The following UNC79 variants were observed in gnomAD, a reference collection of about 807,000 sequenced individuals.
UNC79 encodes the protein unc-79 subunit of NALCN channel complex.
In UNC79, 37 loss-of-function variants were observed where a neutral mutation model predicts 283.1. The observed-to-expected ratio is 0.13, with a 90% confidence interval of 0.10 to 0.17. UNC79 has a LOEUF of 0.17. Ranked by LOEUF, UNC79 falls within the 10% of genes least tolerant of loss-of-function variation. The pLI is 1.00. For missense variants in UNC79, 2,272 were observed against 3,211.1 expected (o/e 0.71, Z 7.07); for synonymous variants, 1,107 against 1,200.2 (o/e 0.92, Z 1.61).
At chr14:93,431,230 G>C (rs1339452398) in intron 1 of UNC79, among the ~76,000 whole-genome samples, 179 bp downstream of exon 1, 1 of 151,462 alleles carries the variant, frequency 6.6e-6, no homozygotes, top group African/African-American at 2.4e-5. Context: ...TAATGGCAGC[G>C]CGGCGCTGTC....
intron 7 of UNC79, among the ~76,000 whole-genome samples, chr14:93,517,829 A>C (rs1595723021): frequency 6.6e-6 from 1 of 151,884 alleles, no homozygotes; most frequent in African/African-American, 2.4e-5. Flanking sequence ...TTTGACCAAC[A>C]TTCCCCAAAT....
intron 12 of UNC79, among the ~76,000 whole-genome samples, chr14:93,538,470 T>G (rs1260444989): frequency 1.3e-5 from 2 of 152,190 alleles, no homozygotes; most frequent in Admixed American, 1.3e-4. Context: ...TCTCTGCCCT[T>G]AAGTTACCCA....
chr14:93,609,868 C>T (rs1328803157), intron 26 of UNC79, among the ~76,000 whole-genome samples: 1 of 152,124 alleles, frequency 6.6e-6, no homozygotes, highest in African/African-American at 2.4e-5. Flanking sequence ...TGCAGATTTG[C>T]AAAGCCCACT....
chr14:93,524,910 A>G (rs983622008), intron 8 of UNC79, among the ~76,000 whole-genome samples: 6 of 152,170 alleles, frequency 3.9e-5, no homozygotes, highest in Non-Finnish European at 7.3e-5. Context: ...GATAGCCTGT[A>G]GAAAACCAAA....
At chr14:93,701,263 G>GT (rs2075511169) in intron 47 of UNC79, among the ~76,000 whole-genome samples, 1 of 152,148 alleles carries the variant, frequency 6.6e-6, no homozygotes, top group Non-Finnish European at 1.5e-5. Flanking sequence ...GAAAAACATT[G>GT]TTTTTTATAG....
At chr14:93,502,099 C>T (rs775445985) in intron 7 of UNC79, among the ~76,000 whole-genome samples, 2 of 152,092 alleles carry the variant, frequency 1.3e-5, no homozygotes, top group African/African-American at 4.8e-5. Flanking sequence ...AACAACTGCT[C>T]CAATTATTTT....
chr14:93,493,894 T>TATAC (rs1208750023), intron 5 of UNC79, among the ~76,000 whole-genome samples: 1 of 63,856 alleles, frequency 1.6e-5, no homozygotes, highest in East Asian at 4.2e-4. Flanking sequence ...TATATATATA[T>TATAC]ATATATATTT....
intron 1 of UNC79, among the ~76,000 whole-genome samples, chr14:93,423,118 T>C (rs1214559101): frequency 6.8e-6 from 1 of 146,828 alleles, no homozygotes; most frequent in Non-Finnish European, 1.5e-5. Flanking sequence ...AGTAATGCCA[T>C]TTACAATAGT....
intron 7 of UNC79, among the ~76,000 whole-genome samples, chr14:93,504,436 ACTT>A (rs1396978851): frequency 6.6e-6 from 1 of 151,968 alleles, no homozygotes; most frequent in Non-Finnish European, 1.5e-5. Context: ...TGGGAAACTG[ACTT>A]CTTTATAATA....
intron 14 of UNC79, among the ~76,000 whole-genome samples, chr14:93,551,695 C>T (rs1376027596): frequency 3.3e-5 from 5 of 152,222 alleles, no homozygotes; most frequent in Non-Finnish European, 5.9e-5. Flanking sequence ...TTAATGGATA[C>T]GCATTGGTGA....
At chr14:93,518,896 T>C (rs938430817) in intron 7 of UNC79, among the ~76,000 whole-genome samples, 1 of 151,964 alleles carries the variant, frequency 6.6e-6, no homozygotes, top group African/African-American at 2.4e-5. Flanking sequence ...CTAGAGAATA[T>C]GCTGTATGAT....
At chr14:93,460,469 C>T (rs1243414457) in intron 1 of UNC79, among the ~76,000 whole-genome samples, 1 of 145,814 alleles carries the variant, frequency 6.9e-6, no homozygotes, top group East Asian at 2.0e-4. Flanking sequence ...AAGATCGTGC[C>T]ACTGCACTTC....
At chr14:93,414,186 TC>T (rs1192665676) in intron 1 of UNC79, among the ~76,000 whole-genome samples, 1 of 152,098 alleles carries the variant, frequency 6.6e-6, no homozygotes, top group African/African-American at 2.4e-5. Context: ...CTTTAATCCA[TC>T]TTGAATTAAT....
chr14:93,429,599 T>C (rs2055809208), upstream of UNC79, among the ~76,000 whole-genome samples: 1 of 152,214 alleles, frequency 6.6e-6, no homozygotes, highest in Non-Finnish European at 1.5e-5. Context: ...TTTGATATAT[T>C]ACACAGAATT....
chr14:93,526,196 T>C (rs2060538882), intron 8 of UNC79, among the ~76,000 whole-genome samples: 1 of 152,164 alleles, frequency 6.6e-6, no homozygotes, highest in Non-Finnish European at 1.5e-5. Context: ...TGCAGAAAGG[T>C]AGCATTCTCA....
intron 1 of UNC79, among the ~76,000 whole-genome samples, chr14:93,391,832 T>C (rs2054889423): frequency 6.6e-6 from 1 of 152,170 alleles, no homozygotes; most frequent in African/African-American, 2.4e-5. Flanking sequence ...ACAAAGAGGA[T>C]ATCCAAATGT....
intron 1 of UNC79, among the ~76,000 whole-genome samples, chr14:93,419,432 G>T (rs1289779613): frequency 1.3e-5 from 2 of 151,540 alleles, no homozygotes; most frequent in Admixed American, 1.3e-4. Flanking sequence ...CTCCCAAAGT[G>T]CTGGGATTAC....
At position 93,637,300 on chromosome 14, in the gene UNC79, G is replaced by T. The variant is rs1383324843; in HGVS notation, c.5800+1G>T. The T allele has an allele frequency of 1.2e-6, 2 of 1,613,824 alleles. No individual in the cohort carries two copies. Among genetic ancestry groups the T allele is most frequent in the Admixed American group, 1.7e-5 (1 of 59,966 alleles). The stretch of plus-strand genomic sequence containing the variant: ...GAGGGACAGCCATTGAGGATGAGAG[G>T]TTAGTTGAGTCACAGAGTCTCTGGC... On this transcript the variant is annotated splice_donor_variant, in intron 32 of 48. Coordinates refer to ENST00000555664, the Ensembl canonical transcript of UNC79. LOFTEE classifies it high-confidence loss of function.
intron 25 of UNC79, 46 bp downstream of exon 25, chr14:93,600,816 G>A: frequency 6.3e-7 from 1 of 1,591,008 alleles, no homozygotes. Flanking sequence ...AGTTCCCATT[G>A]TGCTTGCCTA....
Sources: allele counts gnomAD v4.1 joint callset (sites outside exome capture counted in the v4.1 genomes callset), GRCh38; gene constraint gnomAD v4.1.1; transcripts MANE v1.5; gene names NCBI Gene and HGNC (gene_info 2026-07-23, HGNC 2026-07-21).